ETF1: variants seen among roughly 807,000 people sequenced by gnomAD.
ETF1 encodes the protein eukaryotic translation termination factor 1, also known as eukaryotic peptide chain release factor subunit 1.
ETF1 carries 4 observed loss-of-function variants against 55.1 expected under a neutral mutation model. The ratio of observed to expected loss-of-function variants is 0.07; its 90% CI spans 0.04 to 0.17. ETF1 has a LOEUF of 0.17. Ranked by LOEUF, ETF1 falls within the 10% of genes least tolerant of loss-of-function variation. The pLI is 1.00. For missense variants in ETF1, 142 were observed against 523.6 expected (o/e 0.27, Z 7.11); for synonymous variants, 157 against 182.3 (o/e 0.86, Z 1.12).
At chr5:138,522,592 AC>A (rs149033166) in intron 2 of ETF1, among the ~76,000 whole-genome samples, 28 of 152,144 alleles carry the variant, frequency 1.8e-4, no homozygotes, top group African/African-American at 5.3e-4. Flanking sequence ...AAAAAAAAAA[AC>A]AAAACAAACG....
At chr5:138,510,928 G>A in intron 8 of ETF1, 117 bp downstream of exon 8, 1 of 1,501,522 alleles carries the variant, frequency 6.7e-7, no homozygotes, top group Non-Finnish European at 8.8e-7. Flanking sequence ...AAGGACTGGG[G>A]AACAATGGGT....
intron 2 of ETF1, among the ~76,000 whole-genome samples, chr5:138,521,285 A>G (rs556606997): frequency 4.6e-5 from 7 of 152,212 alleles, no homozygotes; most frequent in Non-Finnish European, 1.0e-4. Context: ...TAAAGTTCAT[A>G]GAGACAGAGA....
intron 8 of ETF1, 129 bp from the exon 9 acceptor site, chr5:138,510,758 T>C: frequency 7.6e-7 from 1 of 1,315,226 alleles, no homozygotes; most frequent in Non-Finnish European, 1.0e-6. Context: ...TCCATAAACA[T>C]GTTAGCATAC....
At chr5:138,519,809 A>T (rs528017793) in intron 2 of ETF1, among the ~76,000 whole-genome samples, 228 of 152,314 alleles carry the variant, frequency 1.5e-3, no homozygotes, top group Non-Finnish European at 2.7e-3. Flanking sequence ...TTTTAGAACT[A>T]AAAAACGGGA....
intron 2 of ETF1, chr5:138,542,526 C>T (rs1766223838): frequency 1.1e-6 from 1 of 927,796 alleles, no homozygotes; most frequent in South Asian, 2.1e-5. Flanking sequence ...CACCTGGAGC[C>T]CGAAGAGGGA....
At chr5:138,528,302 C>T (rs72805822) in intron 2 of ETF1, among the ~76,000 whole-genome samples, 18,180 of 152,210 alleles carry the variant, frequency 0.12, 1,509 homozygotes, top group Non-Finnish European at 0.17. Flanking sequence ...AAATGCCTTA[C>T]AGCAACCCTT....
intron 9 of ETF1, chr5:138,509,138 C>G: frequency 3.0e-6 from 3 of 985,296 alleles, no homozygotes; most frequent in African/African-American, 1.7e-5. Context: ...TAAGCAGCAC[C>G]CATTCAATGG....
intron 4 of ETF1, among the ~76,000 whole-genome samples, chr5:138,516,641 A>G (rs1466278714): frequency 6.6e-6 from 1 of 152,254 alleles, no homozygotes; most frequent in Non-Finnish European, 1.5e-5. Flanking sequence ...ACTCTGTCTC[A>G]AAACATGCTG....
chr5:138,530,081 A>AT (rs1765634161), intron 2 of ETF1, among the ~76,000 whole-genome samples: 1 of 152,144 alleles, frequency 6.6e-6, no homozygotes, highest in African/African-American at 2.4e-5. Flanking sequence ...ACCATCATCA[A>AT]CAATGCTCAA....
chr5:138,524,578 G>GTT lies in ETF1; in HGVS notation c.87-5713_87-5712dup, dbSNP rs1201498667. ...TTAAAAAAAAAAAAAATTTCTTTCCGTTTTTTGTTTTTTTTTTTGAGACAG... is the reference window on the plus strand; with the variant it reads ...TTAAAAAAAAAAAAAATTTCTTTCCGTTTTTTTTGTTTTTTTTTTTGAGACAG... On this transcript the variant is annotated intron_variant, in intron 2 of 10. Coordinates refer to ENST00000360541, the MANE Select transcript of ETF1 (RefSeq NM_004730.4). 1.1e-3 allele frequency among the ~76,000 whole-genome samples: 142 copies of GTT among 132,968 alleles called. 17 individuals carry two copies. The highest frequency in any genetic ancestry group is 1.4e-3 in the Non-Finnish European group (84 of 61,714). 87.2% of individuals were successfully genotyped at this position (132,968 alleles called of 152,430 possible). A position where few individuals can be genotyped will look rare whatever the true frequency, so the allele number is the denominator to read the frequency against.
intron 2 of ETF1, among the ~76,000 whole-genome samples, chr5:138,530,328 C>G (rs154078): frequency 0.94 from 143,812 of 152,212 alleles, 68,009 homozygotes; most frequent in East Asian, 0.99. Flanking sequence ...ACCCAGGCTA[C>G]AGTGCAGTGG....
At chr5:138,532,603 G>C (rs1166085052) in intron 2 of ETF1, among the ~76,000 whole-genome samples, 2 of 152,172 alleles carry the variant, frequency 1.3e-5, no homozygotes, top group African/African-American at 4.8e-5. Context: ...TATCAGATGG[G>C]GTTGAAGTCT....
intron 4 of ETF1, among the ~76,000 whole-genome samples, chr5:138,515,346 A>G (rs1277913900): frequency 2.0e-5 from 3 of 152,174 alleles, no homozygotes; most frequent in Admixed American, 2.0e-4. Flanking sequence ...AATCACTTGA[A>G]TTCGGGAGGT....
chr5:138,519,110 T>C, intron 2 of ETF1: 1 of 984,706 alleles, frequency 1.0e-6, no homozygotes, highest in Non-Finnish European at 1.2e-6. Context: ...AAGAATACAC[T>C]TGGAGAGATA....
Position 138,511,165 on chromosome 5 carries a change from T to A in ETF1, c.898A>T (p.Lys300Ter). ...YFDEISQDTG[K>*]YCFGVEDTLK... Reference sequence around the variant, plus strand: ...GTATCTTCAACGCCAAAACAGTACTTGCCCGTGTCCTGGCTGATTTCATCA... The same window carrying A: ...GTATCTTCAACGCCAAAACAGTACTAGCCCGTGTCCTGGCTGATTTCATCA... Residue 300 changes from lysine to a stop codon, truncating the protein, a stop_gained, in exon 8 of 11, where the codon AAG (lysine) becomes TAG (stop). Coordinates refer to ENST00000360541, the MANE Select transcript of ETF1 (RefSeq NM_004730.4). LOFTEE classifies it high-confidence loss of function. 6.2e-7 allele frequency: 1 copy of A among 1,614,092 alleles called. No homozygotes were observed. The highest frequency in any genetic ancestry group is 8.5e-7 in the Non-Finnish European group (1 of 1,179,958).
chr5:138,542,664 C>A, intron 2 of ETF1, 169 bp downstream of exon 2: 1 of 1,437,916 alleles, frequency 7.0e-7, no homozygotes, highest in South Asian at 1.5e-5. Flanking sequence ...CCTTCTCGGG[C>A]CAACCGCGCC....
In ETF1 at chr5:138,512,963, C is replaced by T. The variant is rs773030363; in HGVS notation, c.542-9G>A. Reference sequence around the variant, plus strand: ...TGACTGACCTCCTCTACCTTTGACACAAAAGTAGCAAGAGAAAAAGGCAAT... The same window carrying T: ...TGACTGACCTCCTCTACCTTTGACATAAAAGTAGCAAGAGAAAAAGGCAAT... On this transcript the variant is annotated splice_polypyrimidine_tract_variant and intron_variant, in intron 5 of 10. Transcript: ENST00000360541. 25 of 1,493,878 alleles carry T rather than the reference C, an allele frequency of 1.7e-5. No homozygotes were observed. Among genetic ancestry groups the T allele is most frequent in the Non-Finnish European group, 2.2e-5 (25 of 1,128,540 alleles). The allele number at this position is 1,493,878 out of a possible 1,614,324, so 92.5% of individuals were successfully genotyped here. A position where few individuals can be genotyped will look rare whatever the true frequency, so the allele number is the denominator to read the frequency against.
At chr5:138,529,697 G>GA in intron 2 of ETF1, 1 of 984,216 alleles carries the variant, frequency 1.0e-6, no homozygotes, top group South Asian at 4.7e-5. Context: ...TCAAACAGGT[G>GA]AAAAAAAGGA....
At chr5:138,535,494 C>T (rs535226404) in intron 2 of ETF1, among the ~76,000 whole-genome samples, 27 of 151,642 alleles carry the variant, frequency 1.8e-4, no homozygotes, top group Admixed American at 5.3e-4. Flanking sequence ...CCGAGGCGGG[C>T]GGATCACCTG....
Sources: allele counts gnomAD v4.1 joint callset (sites outside exome capture counted in the v4.1 genomes callset), GRCh38; gene constraint gnomAD v4.1.1; transcripts MANE v1.5; gene names NCBI Gene and HGNC (gene_info 2026-07-23, HGNC 2026-07-21).